The following CALHM3 variants were observed in gnomAD, a reference collection of about 807,000 sequenced individuals.
CALHM3 encodes the protein calcium homeostasis modulator protein 3.
CALHM3 carries 9 observed loss-of-function variants against 13.6 expected under a neutral mutation model. That is an observed-to-expected ratio of 0.66 (90% CI 0.40 to 1.15). The LOEUF (loss-of-function observed/expected upper bound fraction) is 1.15. Ranked by LOEUF, CALHM3 falls within the 50% of genes most tolerant of loss-of-function variation. The pLI is 0.01. For synonymous variants in CALHM3, 231 were observed against 213.2 expected (o/e 1.08, Z -0.73); for missense variants, 497 against 463.4 (o/e 1.07, Z -0.67).
chr10:103,473,721 C>A lies in CALHM3; in HGVS notation c.544-17G>T. On this transcript the variant is annotated splice_polypyrimidine_tract_variant and intron_variant, in intron 2 of 2. Coordinates refer to ENST00000369783, the MANE Select transcript of CALHM3 (RefSeq NM_001129742.2). ...GCCGATGGCCTGCAAAGTAAGGAGG[C>A]CCGAGGTTAGATGTGAGTGGGGCCT... is the stretch of plus-strand genomic sequence containing the variant. The A allele has an allele frequency of 6.5e-7, 1 of 1,536,578 alleles. No homozygotes were observed. Among genetic ancestry groups the A allele is most frequent in the Non-Finnish European group, 8.8e-7 (1 of 1,141,306 alleles).
chr10:103,473,432 T>G lies in CALHM3; in HGVS notation c.816A>C (p.Ala272=), dbSNP rs528177751. 685 of 1,528,516 alleles carry G rather than the reference T, an allele frequency of 4.5e-4. 10 individuals carry two copies. In the East Asian group the frequency reaches 0.016, roughly 36 times the overall value. 94.7% of individuals were successfully genotyped at this position (1,528,516 alleles called of 1,614,324 possible). A position where few individuals can be genotyped will look rare whatever the true frequency, so the allele number is the denominator to read the frequency against. Residue 272 remains alanine, a synonymous_variant, in exon 3 of 3, where the codon GCA becomes GCC. Coordinates refer to ENST00000369783, the MANE Select transcript of CALHM3 (RefSeq NM_001129742.2). The stretch of plus-strand genomic sequence containing the variant: ...CCAGGCCTTCTGGGGGCTCAGGCAC[T>G]GCGGGGAGCTCGAGTCTCCTGCCTG... ...GNAGRRLELP[A]VPEPPEGLDS...
chr10:103,473,124 T>C lies in CALHM3; in HGVS notation c.*89A>G, dbSNP rs1412441977. 7 of 1,248,566 alleles carry C rather than the reference T, an allele frequency of 5.6e-6. No individual in the cohort carries two copies. Among genetic ancestry groups the C allele is most frequent in the Non-Finnish European group, 7.1e-6 (7 of 985,576 alleles). The allele number at this position is 1,248,566 out of a possible 1,614,324, so 77.3% of individuals were successfully genotyped here. ...CTAACAAGACTTAGGGTGCCTGCCGTGGGGTCCCCACGGCCTGGAAAGACT... is the reference window on the plus strand; with the variant it reads ...CTAACAAGACTTAGGGTGCCTGCCGCGGGGTCCCCACGGCCTGGAAAGACT... On this transcript the variant is annotated 3_prime_UTR_variant, in exon 3 of 3. Transcript: ENST00000369783.
At chr10:103,475,957 T>C (rs1362984309) in intron 2 of CALHM3, among the ~76,000 whole-genome samples, 1 of 152,228 alleles carries the variant, frequency 6.6e-6, no homozygotes, top group East Asian at 1.9e-4. Flanking sequence ...GACTTTGGCC[T>C]TATGAACTAA....
rs557380024 is a variant in CALHM3 at position 103,474,415 on chromosome 10, C to G, written c.544-711G>C. Among the ~76,000 whole-genome samples, 97 of 151,458 alleles carry G rather than the reference C, an allele frequency of 6.4e-4. 1 individual carries two copies. Among genetic ancestry groups the G allele is most frequent in the Admixed American group, 6.3e-3 (95 of 15,078 alleles). ...TTGATCTATCTACTCATCCACCCCC[C>G]CCATCCAACCATCTATCATCCATCC... is the stretch of plus-strand genomic sequence containing the variant. On this transcript the variant is annotated intron_variant, in intron 2 of 2. Transcript: ENST00000369783.
At chr10:103,474,246 C>T (rs952161640) in intron 2 of CALHM3, among the ~76,000 whole-genome samples, 1 of 152,142 alleles carries the variant, frequency 6.6e-6, no homozygotes, top group African/African-American at 2.4e-5. Flanking sequence ...ATCTCTCCAC[C>T]TATCCAATCG....
rs964092671 is a variant in CALHM3 at position 103,473,652 on chromosome 10, C to G, written c.596G>C (p.Arg199Pro). 2.6e-6 allele frequency: 4 copies of G among 1,550,688 alleles called. No homozygotes were observed. The Admixed American group carries it at 5.9e-5, about 23-fold the overall frequency. ...LLLIIAAFLARCLRPCFDQTV... is the reference protein window; with the variant it reads ...LLLIIAAFLAPCLRPCFDQTV... ...CTGGTCGAAGCAGGGCCTCAGGCAGCGGGCCAGGAAGGCCGCGATGATCAG... is the reference window on the plus strand; with the variant it reads ...CTGGTCGAAGCAGGGCCTCAGGCAGGGGGCCAGGAAGGCCGCGATGATCAG... Residue 199 changes from arginine to proline, a missense_variant, in exon 3 of 3, where the codon CGC (arginine) becomes CCC (proline). Coordinates refer to ENST00000369783, the MANE Select transcript of CALHM3 (RefSeq NM_001129742.2).
rs528807632 is a variant in CALHM3 at position 103,476,336 on chromosome 10, A to G, written c.501T>C (p.Pro167=). 3 of 1,551,674 alleles carry G rather than the reference A, an allele frequency of 1.9e-6. No individual in the cohort carries two copies. In the South Asian group the frequency reaches 3.6e-5, roughly 18 times the overall value. The change falls in exon 2 of 3, where the codon CCT becomes CCC. Residue 167 remains proline, a synonymous_variant. Coordinates refer to ENST00000369783, the MANE Select transcript of CALHM3 (RefSeq NM_001129742.2). ...GGTAGCGAGACACTGCCTTCCGAGC[A>G]GGGCTATCCCTGACCAGCTCATCCT... The part of the protein sequence containing the change: ...CKEDELVRDS[P]ARKAVSRYLR...
At chr10:103,476,185 T>C in intron 2 of CALHM3, 109 bp downstream of exon 2, 1 of 1,436,008 alleles carries the variant, frequency 7.0e-7, no homozygotes. Context: ...CTCCTGGGAA[T>C]GGGCTGAGCC....
At position 103,473,182 on chromosome 10, in the gene CALHM3, G is replaced by C; in HGVS notation, c.*31C>G. On this transcript the variant is annotated 3_prime_UTR_variant, in exon 3 of 3. Coordinates refer to ENST00000369783, the MANE Select transcript of CALHM3 (RefSeq NM_001129742.2). ...TTTGTCAGCGCGGCATTTCACCTGC[G>C]AACACTGCCGCTTCAAGCCTGGCCA... 7.6e-7 allele frequency: 1 copy of C among 1,319,838 alleles called. No individual in the cohort carries two copies. Among genetic ancestry groups the C allele is most frequent in the Non-Finnish European group, 9.7e-7 (1 of 1,030,412 alleles). The allele number at this position is 1,319,838 out of a possible 1,614,324, so 81.8% of individuals were successfully genotyped here. A position where few individuals can be genotyped will look rare whatever the true frequency, so the allele number is the denominator to read the frequency against.
rs1168929593 is a variant in CALHM3 at position 103,478,810 on chromosome 10, C to T, written c.223G>A (p.Val75Met). ...CGGCGCCACTCCTCGACCATCACCA[C>T]AGACTGCCGGTTGGCGAGGAGGCCG... ...LCGLLANRQS[V>M]VMVEEWRRPA... The change falls in exon 1 of 3, where the codon GTG becomes ATG. Residue 75 changes from valine (V) to methionine (M), a missense_variant. Physicochemically the swap from Val to Met is conservative, Grantham distance 21 (BLOSUM62 1). Transcript: ENST00000369783. 6.4e-7 allele frequency: 1 copy of T among 1,551,442 alleles called. No homozygotes were observed. Among genetic ancestry groups the T allele is most frequent in the South Asian group, 1.2e-5 (1 of 84,042 alleles).
chr10:103,473,575 T>G lies in CALHM3; in HGVS notation c.673A>C (p.Lys225Gln), dbSNP rs2033353019. The G allele has an allele frequency of 3.9e-6, 6 of 1,551,252 alleles. No individual in the cohort carries two copies. The highest frequency in any genetic ancestry group is 1.4e-5 in the African/African-American group (1 of 73,068). Reference sequence around the variant, plus strand: ...TCACAGCAGGTCTCGTCGAAGAGCTTCTGCTCCAGGTCCACGTAGTTGCTC... The same window carrying G: ...TCACAGCAGGTCTCGTCGAAGAGCTGCTGCTCCAGGTCCACGTAGTTGCTC... ...YWSNYVDLEQKLFDETCCEHA... is the reference protein window; with the variant it reads ...YWSNYVDLEQQLFDETCCEHA... The change falls in exon 3 of 3, where the codon AAG (lysine) becomes CAG (glutamine). Residue 225 changes from lysine (K) to glutamine (Q), a missense_variant. Transcript: ENST00000369783.
At chr10:103,477,608 C>T (rs35394073) in intron 1 of CALHM3, among the ~76,000 whole-genome samples, 7,790 of 152,194 alleles carry the variant, frequency 0.051, 283 homozygotes, top group Non-Finnish European at 0.081. Flanking sequence ...CTTGCTCTGT[C>T]GCACAGGCTG....
chr10:103,474,961 G>C (rs567833046), intron 2 of CALHM3, among the ~76,000 whole-genome samples: 38 of 152,338 alleles, frequency 2.5e-4, no homozygotes, highest in African/African-American at 8.7e-4. Flanking sequence ...TAGAGAGGGA[G>C]TCCAGAGGAG....
At position 103,476,469 on chromosome 10, in the gene CALHM3, C is replaced by A. The variant is rs1346170940; in HGVS notation, c.368G>T (p.Cys123Phe). Residue 123 changes from cysteine (C) to phenylalanine (F), a missense_variant, in exon 2 of 3, where the codon TGC becomes TTC. Cys to Phe is a radical substitution (Grantham distance 205). Transcript: ENST00000369783. Reference protein sequence around the residue: ...WILLALLDGKCFVCAFSSSVD... With the variant: ...WILLALLDGKFFVCAFSSSVD... ...AGAGCTGCTGAAGGCACACACGAAGCACTTCCCGTCAAGGAGGGCCAGCAG... is the reference window on the plus strand; with the variant it reads ...AGAGCTGCTGAAGGCACACACGAAGAACTTCCCGTCAAGGAGGGCCAGCAG... The A allele has an allele frequency of 6.4e-7, 1 of 1,551,512 alleles. No individual in the cohort carries two copies. The highest frequency in any genetic ancestry group is 2.0e-5 in the Admixed American group (1 of 50,984).
At chr10:103,478,237 G>C (rs1029708719) in intron 1 of CALHM3, among the ~76,000 whole-genome samples, 1 of 152,142 alleles carries the variant, frequency 6.6e-6, no homozygotes, top group Non-Finnish European at 1.5e-5. Flanking sequence ...TTCTATTTCT[G>C]CGTGGCTATC....
chr10:103,473,839 T>G, intron 2 of CALHM3, 135 bp from the exon 3 acceptor site: 2 of 1,149,022 alleles, frequency 1.7e-6, no homozygotes, highest in Non-Finnish European at 2.4e-6. Context: ...CATTTTCCAA[T>G]GGATTCAAAT....
At chr10:103,478,612 T>C (rs1026265945) in intron 1 of CALHM3, 134 bp downstream of exon 1, 78 of 932,726 alleles carry the variant, frequency 8.4e-5, no homozygotes, top group South Asian at 4.4e-4. Context: ...CACCTGGCAG[T>C]ACCTGTAGGG....
intron 1 of CALHM3, 66 bp from the exon 2 acceptor site, chr10:103,476,615 A>C: frequency 1.3e-6 from 2 of 1,526,544 alleles, no homozygotes; most frequent in Non-Finnish European, 1.8e-6. Flanking sequence ...GGGAGGTGCA[A>C]GGATGGACTG....
intron 1 of CALHM3, 122 bp from the exon 2 acceptor site, chr10:103,476,671 T>C: frequency 8.2e-7 from 1 of 1,216,360 alleles, no homozygotes; most frequent in Non-Finnish European, 1.1e-6. Context: ...GCTCCCAGTG[T>C]AGAGGTCCCA....
Sources: gnomAD v4.1 joint callset for allele counts (sites outside exome capture counted in the v4.1 genomes callset) on GRCh38, gnomAD v4.1.1 for gene constraint, MANE v1.5 for transcripts, NCBI Gene and HGNC (gene_info 2026-07-23, HGNC 2026-07-21) for gene names.